MAD1L1: variants seen among roughly 807,000 people sequenced by gnomAD.
MAD1L1 encodes mitotic arrest deficient 1 like 1.
MAD1L1 carries 95 observed loss-of-function variants against 96.9 expected under a neutral mutation model. The ratio of observed to expected loss-of-function variants is 0.98; its 90% CI spans 0.83 to 1.16. The LOEUF (loss-of-function observed/expected upper bound fraction) is 1.16. MAD1L1 is among the 50% of genes most tolerant of loss of function. MAD1L1 has a pLI of 0.00. For synonymous variants in MAD1L1, 473 were observed against 396.6 expected (o/e 1.19, Z -2.29); for missense variants, 1,007 against 954.4 (o/e 1.06, Z -0.73).
chr7:2,099,043 C>T (rs749588037), intron 11 of MAD1L1, among the ~76,000 whole-genome samples: 25 of 152,218 alleles, frequency 1.6e-4, no homozygotes, highest in Admixed American at 5.2e-4. Context: ...CCTCCTGACA[C>T]GATGGGTGGC....
At chr7:2,048,204 C>G (rs1257278651) in intron 12 of MAD1L1, among the ~76,000 whole-genome samples, 1 of 152,242 alleles carries the variant, frequency 6.6e-6, no homozygotes, top group African/African-American at 2.4e-5. Context: ...CACTGACGCA[C>G]ACGCGTGCTC....
chr7:2,000,087 T>G (rs984729683), intron 14 of MAD1L1, among the ~76,000 whole-genome samples: 2 of 151,808 alleles, frequency 1.3e-5, no homozygotes, highest in African/African-American at 4.8e-5. Flanking sequence ...GGGCACCGAC[T>G]CAAAGCCTCC....
chr7:2,139,372 G>T (rs17132240), intron 11 of MAD1L1, among the ~76,000 whole-genome samples: 1 of 151,630 alleles, frequency 6.6e-6, no homozygotes, highest in African/African-American at 2.4e-5. Context: ...AGGCGGGAGC[G>T]CTGCGGGCCC....
chr7:1,942,996 TGA>T (rs1192749100), intron 16 of MAD1L1, among the ~76,000 whole-genome samples: 1 of 152,226 alleles, frequency 6.6e-6, no homozygotes, highest in African/African-American at 2.4e-5. Context: ...TAAGTGATTC[TGA>T]GAAAGGTGTT....
At chr7:1,880,722 C>T (rs1045897829) in intron 18 of MAD1L1, among the ~76,000 whole-genome samples, 1 of 152,242 alleles carries the variant, frequency 6.6e-6, no homozygotes, top group Non-Finnish European at 1.5e-5. Flanking sequence ...AAGCACCCGG[C>T]CCCTGAGGGC....
chr7:1,923,404 T>C (rs1188755866), intron 17 of MAD1L1, among the ~76,000 whole-genome samples: 1 of 147,604 alleles, frequency 6.8e-6, no homozygotes, highest in Non-Finnish European at 1.5e-5. Flanking sequence ...TCTGTCTCCA[T>C]CCTCTTCTAC....
rs139647719 is a variant in MAD1L1 at position 2,222,406 on chromosome 7, C to T, written c.471+169G>A. On this transcript the variant is annotated intron_variant, in intron 5 of 18. Coordinates refer to ENST00000265854, the MANE Select transcript of MAD1L1 (RefSeq NM_001013836.2). ...AAAGTCTCAACTTTTTAACTGAAAA[C>T]TACAGAATGGAAAATTAATACTTCT... 2.7e-3 allele frequency among the ~76,000 whole-genome samples: 415 copies of T among 152,310 alleles called. No homozygotes were observed. In the Middle Eastern group the frequency reaches 0.037, roughly 14 times the overall value.
rs147667687 is a variant in MAD1L1, at chr7:2,056,884, G to A, written c.1218+12310C>T. On this transcript the variant is annotated intron_variant, in intron 12 of 18. Coordinates refer to ENST00000265854, the MANE Select transcript of MAD1L1 (RefSeq NM_001013836.2). ...CCTACGGCATTGCCACGGGGAAGCC[G>A]GGGAGACGTGGCACCTCGCCCCACA... Among the ~76,000 whole-genome samples the A allele has an allele frequency of 6.0e-3, 916 of 152,290 alleles. 10 individuals carry two copies. Among genetic ancestry groups the A allele is most frequent in the African/African-American group, 0.021 (878 of 41,558 alleles).
intron 12 of MAD1L1, among the ~76,000 whole-genome samples, chr7:2,048,032 T>C (rs1461263799): frequency 6.6e-6 from 1 of 152,102 alleles, no homozygotes; most frequent in South Asian, 2.1e-4. Flanking sequence ...TACACACGTA[T>C]GGACACACAC....
At chr7:2,161,503 T>C (rs1790122437) in intron 10 of MAD1L1, among the ~76,000 whole-genome samples, 1 of 152,084 alleles carries the variant, frequency 6.6e-6, no homozygotes, top group African/African-American at 2.4e-5. Flanking sequence ...AGTGCCGAGA[T>C]TGCAGCCTCT....
chr7:2,004,297 C>T (rs990298468), intron 13 of MAD1L1, among the ~76,000 whole-genome samples: 1 of 152,180 alleles, frequency 6.6e-6, no homozygotes, highest in African/African-American at 2.4e-5. Flanking sequence ...GCGAGATGCA[C>T]CCGTTAGAGC....
At chr7:2,086,807 G>A (rs926379913) in intron 11 of MAD1L1, among the ~76,000 whole-genome samples, 5 of 152,104 alleles carry the variant, frequency 3.3e-5, no homozygotes, top group African/African-American at 9.7e-5. Flanking sequence ...CACCTGCCTC[G>A]GCCTCCCAAA....
In MAD1L1 at chr7:1,957,668, C is replaced by G; in HGVS notation, c.1557G>C (p.Lys519Asn). The G allele has an allele frequency of 1.9e-6, 3 of 1,614,162 alleles. No individual in the cohort carries two copies. The highest frequency in any genetic ancestry group is 2.5e-6 in the Non-Finnish European group (3 of 1,180,048). Reference protein sequence around the residue: ...EGERSRLEEEKRMLEAQLERR... With the variant: ...EGERSRLEEENRMLEAQLERR... ...GCTCCAGCTGTGCCTCCAGCATCCT[C>G]TTTTCCTCCTCCAGCCGACTCCGCT... The change falls in exon 16 of 19, where the codon AAG becomes AAC. Residue 519 changes from lysine to asparagine, a missense_variant. By Grantham distance (94) the Lys-to-Asn change is moderately conservative. Transcript: ENST00000265854.
intron 17 of MAD1L1, among the ~76,000 whole-genome samples, chr7:1,916,121 G>A (rs913080670): frequency 3.9e-5 from 6 of 152,238 alleles, no homozygotes; most frequent in Non-Finnish European, 5.9e-5. Context: ...CAGTGGGGCT[G>A]TGGTCAGAAA....
At chr7:1,891,917 A>G (rs1298483932) in intron 18 of MAD1L1, among the ~76,000 whole-genome samples, 1 of 152,190 alleles carries the variant, frequency 6.6e-6, no homozygotes, top group East Asian at 1.9e-4. Context: ...AGTATTTTTA[A>G]TAGTTGAGTG....
At chr7:2,229,004 A>G (rs771439483) in intron 3 of MAD1L1, among the ~76,000 whole-genome samples, 8 of 152,190 alleles carry the variant, frequency 5.3e-5, no homozygotes, top group Non-Finnish European at 1.2e-4. Flanking sequence ...AAGTGCTGGG[A>G]TTACAGGCCT....
At chr7:2,102,947 C>T (rs889048696) in intron 11 of MAD1L1, among the ~76,000 whole-genome samples, 3 of 152,210 alleles carry the variant, frequency 2.0e-5, no homozygotes, top group Non-Finnish European at 2.9e-5. Context: ...ATAAGGCACA[C>T]GGAGAAAACA....
intron 18 of MAD1L1, among the ~76,000 whole-genome samples, chr7:1,842,594 C>T (rs1341307630): frequency 1.3e-5 from 2 of 152,390 alleles, no homozygotes; most frequent in African/African-American, 2.4e-5. Flanking sequence ...ACCTGAGCCC[C>T]GGCGAGGGAC....
chr7:1,841,852 C>G (rs1771952899), intron 18 of MAD1L1, among the ~76,000 whole-genome samples: 1 of 152,228 alleles, frequency 6.6e-6, no homozygotes, highest in South Asian at 2.1e-4. Flanking sequence ...TCGCATGAGT[C>G]TCCCCTTCCT....
Sources: gnomAD v4.1 joint callset for allele counts (sites outside exome capture counted in the v4.1 genomes callset) on GRCh38, gnomAD v4.1.1 for gene constraint, MANE v1.5 for transcripts, NCBI Gene and HGNC (gene_info 2026-07-23, HGNC 2026-07-21) for gene names.